CACNB2: variants seen among roughly 807,000 people sequenced by gnomAD.
CACNB2 encodes calcium voltage-gated channel auxiliary subunit beta 2.
CACNB2 carries 42 observed loss-of-function variants against 73.3 expected under a neutral mutation model. That is an observed-to-expected ratio of 0.57 (90% CI 0.45 to 0.74). The LOEUF (loss-of-function observed/expected upper bound fraction) is 0.74. Ranked by LOEUF, CACNB2 falls within the 30% of genes least tolerant of loss-of-function variation. CACNB2 has a pLI of 0.00. For missense variants in CACNB2, 940 were observed against 853.0 expected (o/e 1.10, Z -1.27); for synonymous variants, 348 against 310.3 (o/e 1.12, Z -1.28).
At chr10:18,480,915 T>C (rs1039308047) in intron 3 of CACNB2, among the ~76,000 whole-genome samples, 8 of 152,076 alleles carry the variant, frequency 5.3e-5, no homozygotes, top group African/African-American at 1.7e-4. Flanking sequence ...AAGGATAAAA[T>C]GTTTTAGATA....
intron 2 of CACNB2, among the ~76,000 whole-genome samples, chr10:18,228,458 A>T (rs2036100348): frequency 6.6e-6 from 1 of 150,522 alleles, no homozygotes; most frequent in Non-Finnish European, 1.5e-5. Context: ...AAGAAAAAAA[A>T]AAAGAAAAGA....
chr10:18,332,344 C>T (rs1248617307), intron 2 of CACNB2, among the ~76,000 whole-genome samples: 1 of 152,056 alleles, frequency 6.6e-6, no homozygotes, highest in Non-Finnish European at 1.5e-5. Context: ...AAGTGATTAG[C>T]TGGGAGGATA....
chr10:18,142,801 AAAGAATTTAT>A, intron 1 of CACNB2, among the ~76,000 whole-genome samples: 1 of 152,354 alleles, frequency 6.6e-6, no homozygotes, highest in Non-Finnish European at 1.5e-5. Flanking sequence ...TTCTGCCTTC[AAAGAATTTAT>A]ATTCCAGTAG....
At chr10:18,411,237 T>G (rs2044608818) in intron 3 of CACNB2, among the ~76,000 whole-genome samples, 1 of 150,080 alleles carries the variant, frequency 6.7e-6, no homozygotes, top group Admixed American at 6.6e-5. Flanking sequence ...ACGCATTAGC[T>G]TAGATTGCGT....
At chr10:18,191,630 A>T (rs2034400546) in intron 2 of CACNB2, among the ~76,000 whole-genome samples, 2 of 152,178 alleles carry the variant, frequency 1.3e-5, no homozygotes, top group African/African-American at 4.8e-5. Flanking sequence ...CCACTGTAGC[A>T]TTCTTATGCC....
intron 3 of CACNB2, among the ~76,000 whole-genome samples, chr10:18,497,208 T>TA (rs11421435): frequency 0.51 from 60,135 of 118,612 alleles, 14,333 homozygotes; most frequent in African/African-American, 0.57. Context: ...TAAGACTCTG[T>TA]AAAAAAAAAA....
chr10:18,241,770 T>G (rs1378561491), intron 2 of CACNB2, among the ~76,000 whole-genome samples: 1 of 151,720 alleles, frequency 6.6e-6, no homozygotes, highest in Non-Finnish European at 1.5e-5. Flanking sequence ...TTACTGACCT[T>G]TTTTTGAACT....
intron 2 of CACNB2, among the ~76,000 whole-genome samples, chr10:18,317,218 A>G (rs543050238): frequency 2.1e-4 from 31 of 150,652 alleles, no homozygotes; most frequent in Admixed American, 8.6e-4. Flanking sequence ...TCATCCTACC[A>G]AACTTTTCCC....
chr10:18,388,788 A>C (rs1213686436), intron 2 of CACNB2, among the ~76,000 whole-genome samples: 3 of 151,788 alleles, frequency 2.0e-5, no homozygotes, highest in Non-Finnish European at 4.4e-5. Context: ...ATAATCATAA[A>C]ATTTTATGTC....
At chr10:18,333,888 G>A (rs1005114563) in intron 2 of CACNB2, among the ~76,000 whole-genome samples, 2 of 151,760 alleles carry the variant, frequency 1.3e-5, no homozygotes, top group African/African-American at 4.8e-5. Flanking sequence ...GTCGTCTCCT[G>A]GCAACGTAAC....
chr10:18,217,309 C>A (rs1243053054), intron 2 of CACNB2, among the ~76,000 whole-genome samples: 1 of 152,042 alleles, frequency 6.6e-6, no homozygotes, highest in Non-Finnish European at 1.5e-5. Flanking sequence ...CATGGTAAAA[C>A]CCCATCTCTC....
chr10:18,509,732 C>A (rs1250178504), intron 6 of CACNB2, among the ~76,000 whole-genome samples: 2 of 152,024 alleles, frequency 1.3e-5, no homozygotes, highest in Non-Finnish European at 2.9e-5. Flanking sequence ...TGAGGCTGCA[C>A]TGAGCCATGA....
chr10:18,347,820 G>A lies in CACNB2; in HGVS notation c.214-54104G>A, dbSNP rs1422184629. Among the ~76,000 whole-genome samples the A allele has an allele frequency of 3.3e-5, 5 of 152,154 alleles. No individual in the cohort carries two copies. In the East Asian group the frequency reaches 9.6e-4, roughly 29 times the overall value. On this transcript the variant is annotated intron_variant, in intron 2 of 13. Coordinates refer to ENST00000324631, the MANE Select transcript of CACNB2 (RefSeq NM_201596.3). The stretch of plus-strand genomic sequence containing the variant: ...AGATCCTTTCTGTTGGACCCAGGTT[G>A]AGGACTATTTTCGTGACTTCGCTTA...
intron 6 of CACNB2, 46 bp downstream of exon 6, chr10:18,506,593 T>C: frequency 2.6e-6 from 3 of 1,165,046 alleles, no homozygotes; most frequent in Non-Finnish European, 3.9e-6. Flanking sequence ...CATTTCATGC[T>C]TTCCCCAGCT....
intron 7 of CACNB2, chr10:18,515,053 C>G: frequency 6.2e-7 from 1 of 1,602,092 alleles, no homozygotes; most frequent in Non-Finnish European, 8.6e-7. Context: ...TGAGTTTTTC[C>G]TATTGTCATA....
At chr10:18,191,052 T>C (rs899316969) in intron 2 of CACNB2, among the ~76,000 whole-genome samples, 1 of 152,140 alleles carries the variant, frequency 6.6e-6, no homozygotes, top group African/African-American at 2.4e-5. Context: ...GTAAACCAGG[T>C]GCGGGACAAT....
At chr10:18,511,626 G>C (rs2050791011) in intron 6 of CACNB2, among the ~76,000 whole-genome samples, 1 of 152,186 alleles carries the variant, frequency 6.6e-6, no homozygotes, top group Admixed American at 6.5e-5. Context: ...TGTATAATAT[G>C]ATGCTTTCCT....
intron 3 of CACNB2, among the ~76,000 whole-genome samples, chr10:18,467,634 A>G (rs2047965216): frequency 6.6e-6 from 1 of 152,170 alleles, no homozygotes; most frequent in Non-Finnish European, 1.5e-5. Context: ...GAGAAATTGG[A>G]AAATAATTTA....
intron 12 of CACNB2, among the ~76,000 whole-genome samples, chr10:18,536,581 G>C (rs1252016737): frequency 4.0e-5 from 6 of 151,782 alleles, no homozygotes; most frequent in African/African-American, 1.5e-4. Context: ...ATTATATTTT[G>C]AAAAAAACAG....
Sources: gnomAD v4.1 joint callset for allele counts (sites outside exome capture counted in the v4.1 genomes callset) on GRCh38, gnomAD v4.1.1 for gene constraint, MANE v1.5 for transcripts, NCBI Gene and HGNC (gene_info 2026-07-23, HGNC 2026-07-21) for gene names.